Variants in EXOC3L4 observed in about 807,000 individuals in gnomAD.
EXOC3L4 encodes the protein exocyst complex component 3 like 4, also known as exocyst complex component 3-like protein 4.
Under a neutral mutation model 69.7 loss-of-function variants are expected in EXOC3L4, and 62 were observed. That is an observed-to-expected ratio of 0.89 (90% CI 0.72 to 1.10). The LOEUF (loss-of-function observed/expected upper bound fraction) is 1.10, where lower values mean the gene tolerates loss of function less well. Ranked by LOEUF, EXOC3L4 falls within the 50% of genes least tolerant of loss-of-function variation. The probability of loss-of-function intolerance (pLI) is 0.00; values close to 1 mark genes in which losing one functional copy is unlikely to be tolerated. For synonymous variants in EXOC3L4, 502 were observed against 464.2 expected, an observed-to-expected ratio of 1.08 and a Z score of -1.05; for missense variants, 1,087 against 1,034.8, an observed-to-expected ratio of 1.05 and a Z score of -0.69.
At chr14:103,105,684 G>A (rs1890506928) in intron 7 of EXOC3L4, among the ~76,000 whole-genome samples, 1 of 152,146 alleles carries the variant, frequency 6.6e-6, no homozygotes, top group South Asian at 2.1e-4. Flanking sequence ...TGAGGTCTGG[G>A]TCTCTGTGTC....
intron 8 of EXOC3L4, 78 bp downstream of exon 8, chr14:103,106,977 G>A: frequency 8.4e-7 from 1 of 1,187,886 alleles, no homozygotes; most frequent in Non-Finnish European, 1.2e-6. Flanking sequence ...GGGGGCCCAG[G>A]TCACAGCATT....
At chr14:103,103,371 AG>A (rs1214385841) in intron 3 of EXOC3L4, among the ~76,000 whole-genome samples, 31 of 144,138 alleles carry the variant, frequency 2.2e-4, no homozygotes, top group African/African-American at 7.6e-4. Context: ...AAAAAAAAAA[AG>A]AAAGAAAGAA....
At chr14:103,106,684 C>T (rs2139505114) in intron 7 of EXOC3L4, 101 bp from the exon 8 acceptor site, 1 of 685,584 alleles carries the variant, frequency 1.5e-6, no homozygotes, top group South Asian at 2.0e-5. Context: ...CACGGGCTGC[C>T]CTTCACATTG....
intron 1 of EXOC3L4, 141 bp from the exon 2 acceptor site, chr14:103,100,063 T>C: frequency 1.1e-6 from 1 of 896,436 alleles, no homozygotes; most frequent in South Asian, 2.0e-5. Flanking sequence ...GAGAGTGGCC[T>C]GGTGATGCTT....
chr14:103,103,795 C>CGGGTGT, intron 3 of EXOC3L4, 146 bp from the exon 4 acceptor site: 1 of 441,256 alleles, frequency 2.3e-6, no homozygotes, highest in Non-Finnish European at 3.9e-6. Context: ...GAGGCGCGCG[C>CGGGTGT]GCGTGTGTGT....
Position 103,106,808 on chromosome 14 carries a change from C to G in EXOC3L4, c.1490C>G (p.Pro497Arg). The G allele has an allele frequency of 6.3e-7, 1 of 1,590,906 alleles. No homozygotes were observed. The highest frequency in any genetic ancestry group is 1.1e-5 in the South Asian group (1 of 87,620). ...ELRTSLLSRF[P>R]GTQEELEKPL... ...AGGACCAGTCTTCTCTCCAGGTTCC[C>G]AGGAACCCAAGAGGAGCTGGAGAAG... Residue 497 changes from proline to arginine, a missense_variant, in exon 8 of 12, where the codon CCA becomes CGA. By Grantham distance (103) the Pro-to-Arg change is moderately radical. Coordinates refer to ENST00000688303, the MANE Select transcript of EXOC3L4 (RefSeq NM_001077594.2).
chr14:103,101,756 G>A (rs1388793375), intron 2 of EXOC3L4, among the ~76,000 whole-genome samples: 2 of 152,216 alleles, frequency 1.3e-5, no homozygotes, highest in African/African-American at 2.4e-5. Flanking sequence ...GGCAGGACAC[G>A]CCCTGCCTGA....
chr14:103,107,211 T>C (rs1890609389), intron 8 of EXOC3L4, among the ~76,000 whole-genome samples: 1 of 152,094 alleles, frequency 6.6e-6, no homozygotes. Flanking sequence ...CCTGAGCAGA[T>C]CTGACTGCAC....
rs1303583701 is a variant in EXOC3L4, at chr14:103,108,476, G to T, written c.1935G>T (p.Gln645His). The T allele has an allele frequency of 1.9e-6, 3 of 1,613,888 alleles. No homozygotes were observed. The South Asian group carries it at 3.3e-5, about 18-fold the overall frequency. Residue 645 changes from glutamine (Q) to histidine (H), a missense_variant, in exon 11 of 12, where the codon CAG becomes CAT. Physicochemically the swap from Gln to His is conservative, Grantham distance 24. Coordinates refer to ENST00000688303, the MANE Select transcript of EXOC3L4 (RefSeq NM_001077594.2). Reference sequence around the variant, plus strand: ...GCGAGACCTACAAAGATGACATCCAGCGGCACCTGGAGACTCTTATCCGGA... The same window carrying T: ...GCGAGACCTACAAAGATGACATCCATCGGCACCTGGAGACTCTTATCCGGA... The part of the protein sequence containing the change: ...ILGETYKDDI[Q>H]RHLETLIRSY...
chr14:103,105,720 G>A (rs1890509059), intron 7 of EXOC3L4, among the ~76,000 whole-genome samples: 1 of 152,192 alleles, frequency 6.6e-6, no homozygotes, highest in Non-Finnish European at 1.5e-5. Context: ...CCCTCCCTGT[G>A]GGCTGGCAGT....
rs1002470390 is a variant in EXOC3L4 at position 103,094,792 on chromosome 14, C to G, written c.-65C>G. 1 of 152,530 alleles carries G rather than the reference C, an allele frequency of 6.6e-6. No individual in the cohort carries two copies. Among genetic ancestry groups the G allele is most frequent in the Non-Finnish European group, 1.5e-5 (1 of 68,254 alleles). The allele number at this position is 152,530 out of a possible 1,614,324, so 9.4% of individuals were successfully genotyped here. ...CGGCTCTGAGGGCCCCACGGGCCAGCTTCTCAGGGGGCTGTGTTCTTCCTG... is the reference window on the plus strand; with the variant it reads ...CGGCTCTGAGGGCCCCACGGGCCAGGTTCTCAGGGGGCTGTGTTCTTCCTG... On this transcript the variant is annotated 5_prime_UTR_variant, in exon 1 of 12. Transcript: ENST00000688303.
rs376296804 is a variant in EXOC3L4 at position 103,100,947 on chromosome 14, G to A, written c.394+334G>A. 6.3e-5 allele frequency among the ~76,000 whole-genome samples: 9 copies of A among 142,858 alleles called. No individual in the cohort carries two copies. The South Asian group carries it at 2.0e-3, about 32-fold the overall frequency. 93.7% of individuals were successfully genotyped at this position (142,858 alleles called of 152,430 possible). A position where few individuals can be genotyped will look rare whatever the true frequency, so the allele number is the denominator to read the frequency against. ...ACACTGACTCTCACTCTATCACCCA[G>A]GCTGGAGTGCAGTGACGCAATCTTG... On this transcript the variant is annotated intron_variant, in intron 2 of 11. Coordinates refer to ENST00000688303, the MANE Select transcript of EXOC3L4 (RefSeq NM_001077594.2).
intron 3 of EXOC3L4, 68 bp downstream of exon 3, chr14:103,102,840 G>T: frequency 7.7e-7 from 1 of 1,291,892 alleles, no homozygotes; most frequent in Non-Finnish European, 9.9e-7. Flanking sequence ...TTGGGGAGCC[G>T]GCTTTGAGGA....
At position 103,100,252 on chromosome 14, in the gene EXOC3L4, G is replaced by A. The variant is rs368663924; in HGVS notation, c.33G>A (p.Pro11=). ...CACCACAGACAGACACTCCTGGGCC[G>A]GAGCTGCAGAGTCCCAAGGAGGCTG... MPSPQTDTPG[P]ELQSPKEAEE... is the part of the protein sequence containing the mutation. The change falls in exon 2 of 12, where the codon CCG becomes CCA. Residue 11 remains proline, a synonymous_variant. Transcript: ENST00000688303. 5.8e-5 allele frequency: 92 copies of A among 1,579,114 alleles called. 1 individual carries two copies. In the Middle Eastern group the frequency reaches 1.7e-3, roughly 29 times the overall value.
At chr14:103,106,094 T>C (rs1457377943) in intron 7 of EXOC3L4, among the ~76,000 whole-genome samples, 1 of 152,216 alleles carries the variant, frequency 6.6e-6, no homozygotes, top group Non-Finnish European at 1.5e-5. Flanking sequence ...GCCTGACACG[T>C]CTCATCCCAA....
At position 103,104,364 on chromosome 14, in the gene EXOC3L4, C is replaced by G; in HGVS notation, c.1259C>G (p.Ala420Gly). The change falls in exon 5 of 12, where the codon GCG becomes GGG. Residue 420 changes from alanine (A) to glycine (G), a missense_variant. Coordinates refer to ENST00000688303, the MANE Select transcript of EXOC3L4 (RefSeq NM_001077594.2). ...GAGGTGCTGCAGGGCCTCTACCAGG[C>G]GCCGCTGTCCATGGACGTCCATATG... is the stretch of plus-strand genomic sequence containing the variant. ...VPEVLQGLYQ[A>G]PLSMDVHMLV... 2 of 1,585,434 alleles carry G rather than the reference C, an allele frequency of 1.3e-6. No individual in the cohort carries two copies. Among genetic ancestry groups the G allele is most frequent in the Non-Finnish European group, 1.7e-6 (2 of 1,167,290 alleles).
intron 1 of EXOC3L4, among the ~76,000 whole-genome samples, chr14:103,096,306 A>T (rs952439035): frequency 2.6e-5 from 4 of 151,998 alleles, no homozygotes; most frequent in Admixed American, 2.0e-4. Flanking sequence ...GTGAGCTATG[A>T]TCGCATCCCT....
At chr14:103,104,193 G>A in intron 4 of EXOC3L4, 74 bp from the exon 5 acceptor site, 1 of 1,466,218 alleles carries the variant, frequency 6.8e-7, no homozygotes, top group Non-Finnish European at 9.0e-7. Flanking sequence ...GACCCGACAG[G>A]GCGGCCCTCA....
At chr14:103,103,396 G>C (rs1414824002) in intron 3 of EXOC3L4, among the ~76,000 whole-genome samples, 1 of 146,254 alleles carries the variant, frequency 6.8e-6, no homozygotes, top group African/African-American at 2.5e-5. Context: ...AAAGAAAAAA[G>C]AAAAGGGCAC....
Sources: allele counts gnomAD v4.1 joint callset (sites outside exome capture counted in the v4.1 genomes callset), GRCh38; gene constraint gnomAD v4.1.1; transcripts MANE v1.5; gene names NCBI Gene and HGNC (gene_info 2026-07-23, HGNC 2026-07-21).